Variants in CEP192 observed in about 807,000 individuals in gnomAD.
CEP192 encodes the protein centrosomal protein 192.
CEP192 carries 151 observed loss-of-function variants against 271.8 expected under a neutral mutation model. The ratio of observed to expected loss-of-function variants is 0.56; its 90% CI spans 0.49 to 0.64. CEP192 has a LOEUF of 0.64. Among genes scored for constraint, CEP192 ranks in the 30% least tolerant of loss-of-function variants. The pLI is 0.00. For synonymous variants in CEP192, 995 were observed against 1,076.5 expected, an observed-to-expected ratio of 0.92 and a Z score of 1.48; for missense variants, 2,910 against 3,020.5, an observed-to-expected ratio of 0.96 and a Z score of 0.86.
At chr18:13,096,071 A>G (rs777315456) in intron 35 of CEP192, 113 bp from the exon 36 acceptor site, 4 of 1,071,284 alleles carry the variant, frequency 3.7e-6, no homozygotes, top group Non-Finnish European at 5.4e-6. Flanking sequence ...AGCAGTTGAG[A>G]AAGCAGTAGC....
At chr18:13,103,871 G>A (rs2144933433) in intron 39 of CEP192, 2 of 496,062 alleles carry the variant, frequency 4.0e-6, no homozygotes, top group African/African-American at 1.9e-5. Context: ...TTGTTTTTTT[G>A]TAGAGATGGA....
intron 1 of CEP192, among the ~76,000 whole-genome samples, chr18:12,991,728 C>A (rs868214234): frequency 6.6e-6 from 1 of 152,248 alleles, no homozygotes; most frequent in African/African-American, 2.4e-5. Context: ...GGATCACGTC[C>A]TTCTTTCCTC....
chr18:13,003,494 A>G (rs2033786858), intron 3 of CEP192, among the ~76,000 whole-genome samples: 1 of 146,466 alleles, frequency 6.8e-6, no homozygotes, highest in Non-Finnish European at 1.5e-5. Context: ...CCAAGACTTG[A>G]GGGAGGGAGT....
intron 40 of CEP192, among the ~76,000 whole-genome samples, chr18:13,106,123 C>A (rs989949307): frequency 6.6e-6 from 1 of 152,100 alleles, no homozygotes; most frequent in African/African-American, 2.4e-5. Context: ...GCAAAAAGAA[C>A]AAATCTGGAG....
chr18:13,096,568 C>T (rs1317396951), intron 36 of CEP192, among the ~76,000 whole-genome samples: 1 of 152,162 alleles, frequency 6.6e-6, no homozygotes, highest in Non-Finnish European at 1.5e-5. Flanking sequence ...GGAACAGAGT[C>T]CCTGGTATGG....
intron 36 of CEP192, among the ~76,000 whole-genome samples, chr18:13,096,845 C>T (rs1015020062): frequency 4.6e-5 from 7 of 152,068 alleles, no homozygotes; most frequent in East Asian, 1.9e-4. Context: ...CTTTTGGGGC[C>T]GGCCATTTAT....
At chr18:13,070,695 C>T (rs1342703608) in intron 27 of CEP192, among the ~76,000 whole-genome samples, 1 of 152,224 alleles carries the variant, frequency 6.6e-6, no homozygotes, top group Non-Finnish European at 1.5e-5. Flanking sequence ...TGTGACCTTA[C>T]AGAAGAGGAG....
At chr18:13,050,556 C>A (rs891380972) in intron 17 of CEP192, among the ~76,000 whole-genome samples, 1 of 151,162 alleles carries the variant, frequency 6.6e-6, no homozygotes, top group African/African-American at 2.4e-5. Context: ...ACAGTCACTT[C>A]TTATTTAATA....
At chr18:13,039,801 T>G (rs1598427832) in intron 13 of CEP192, among the ~76,000 whole-genome samples, 1 of 152,112 alleles carries the variant, frequency 6.6e-6, no homozygotes, top group South Asian at 2.1e-4. Flanking sequence ...GGTGCCCAGG[T>G]AGTGAAAGTC....
chr18:13,056,276 C>T lies in CEP192; in HGVS notation c.3686C>T (p.Pro1229Leu), dbSNP rs2037094714. The change falls in exon 19 of 45, where the codon CCC becomes CTC. Residue 1229 changes from proline (P) to leucine (L), a missense_variant. Pro to Leu is a moderately conservative substitution (Grantham distance 98). Transcript: ENST00000506447. The part of the protein sequence containing the change: ...TTSENQCTPI[P>L]SSTVHSSVAD... ...TCTGAAAACCAGTGTACTCCTATTC[C>T]CAGCAGCACAGTTCACAGCTCTGTG... 1 of 1,613,812 alleles carries T rather than the reference C, an allele frequency of 6.2e-7. No individual in the cohort carries two copies. The highest frequency in any genetic ancestry group is 8.5e-7 in the Non-Finnish European group (1 of 1,179,760).
chr18:13,100,655 G>C (rs2039662104), intron 38 of CEP192, 143 bp downstream of exon 38: 1 of 636,422 alleles, frequency 1.6e-6, no homozygotes, highest in Non-Finnish European at 2.7e-6. Flanking sequence ...TTTCAATGAT[G>C]GGCTGGATTT....
At chr18:13,005,782 T>C (rs922704274) in intron 3 of CEP192, among the ~76,000 whole-genome samples, 15 of 152,246 alleles carry the variant, frequency 9.9e-5, no homozygotes, top group African/African-American at 3.1e-4. Flanking sequence ...TGACCCCTTC[T>C]TGGGGAGGAG....
At chr18:13,046,469 A>G (rs2036487054) in intron 15 of CEP192, among the ~76,000 whole-genome samples, 1 of 151,944 alleles carries the variant, frequency 6.6e-6, no homozygotes, top group African/African-American at 2.4e-5. Context: ...TTTCACCTAG[A>G]CTTTGTTCTT....
chr18:13,101,844 TC>T (rs977038084), intron 38 of CEP192, among the ~76,000 whole-genome samples: 10 of 152,234 alleles, frequency 6.6e-5, no homozygotes, highest in African/African-American at 2.2e-4. Context: ...TTGTGCTCTC[TC>T]CCAGCCCGCC....
chr18:13,116,781 T>C (rs1030320956), intron 43 of CEP192, among the ~76,000 whole-genome samples: 3 of 152,106 alleles, frequency 2.0e-5, no homozygotes, highest in African/African-American at 7.2e-5. Flanking sequence ...GGCTAATTTT[T>C]TGTATTTTTA....
At chr18:13,099,248 T>C (rs972348728) in intron 36 of CEP192, among the ~76,000 whole-genome samples, 1 of 151,788 alleles carries the variant, frequency 6.6e-6, no homozygotes, top group African/African-American at 2.4e-5. Context: ...GTTTTGCCCT[T>C]GCGTCATGGG....
At chr18:13,027,206 A>G (rs1468919335) in intron 9 of CEP192, among the ~76,000 whole-genome samples, 1 of 152,196 alleles carries the variant, frequency 6.6e-6, no homozygotes, top group East Asian at 1.9e-4. Context: ...TTAGGCTCAG[A>G]TAAAACCCCA....
intron 15 of CEP192, among the ~76,000 whole-genome samples, chr18:13,046,721 A>G (rs1401821907): frequency 6.6e-6 from 1 of 151,534 alleles, no homozygotes; most frequent in Non-Finnish European, 1.5e-5. Flanking sequence ...TTCTTGTTTT[A>G]TGTTTTATTT....
At chr18:13,019,940 G>A (rs992244053) in intron 9 of CEP192, among the ~76,000 whole-genome samples, 6 of 151,726 alleles carry the variant, frequency 4.0e-5, no homozygotes, top group African/African-American at 1.2e-4. Context: ...AGCCTCCCAA[G>A]TAGCTGGGAT....
Sources: gnomAD v4.1 joint callset for allele counts (sites outside exome capture counted in the v4.1 genomes callset) on GRCh38, gnomAD v4.1.1 for gene constraint, MANE v1.5 for transcripts, NCBI Gene and HGNC (gene_info 2026-07-23, HGNC 2026-07-21) for gene names.